The following DEPTOR variants were observed in gnomAD, a reference collection of about 807,000 sequenced individuals.
DEPTOR encodes the protein DEP domain containing MTOR interacting protein.
In DEPTOR, 41 loss-of-function variants were observed where a neutral mutation model predicts 41.6. The observed-to-expected ratio is 0.98, with a 90% CI of 0.77 to 1.28. DEPTOR has a LOEUF of 1.28. Ranked by LOEUF, DEPTOR falls within the 50% of genes most tolerant of loss-of-function variation. The pLI is 0.00. For missense variants in DEPTOR, 514 were observed against 527.9 expected (o/e 0.97, Z 0.26); for synonymous variants, 195 against 192.3 (o/e 1.01, Z -0.12).
At chr8:119,920,081 G>A (rs12548248) in intron 1 of DEPTOR, among the ~76,000 whole-genome samples, 31,355 of 151,170 alleles carry the variant, frequency 0.21, 3,404 homozygotes, top group Middle Eastern at 0.35. Flanking sequence ...TGTCTGAGAT[G>A]AATAATAGGA....
intron 4 of DEPTOR, among the ~76,000 whole-genome samples, chr8:119,970,978 C>T (rs1163920877): frequency 6.6e-6 from 1 of 152,134 alleles, no homozygotes; most frequent in Non-Finnish European, 1.5e-5. Flanking sequence ...CACCCGTAAT[C>T]CCAGCATTCT....
chr8:119,907,281 A>G (rs968663388), intron 1 of DEPTOR, among the ~76,000 whole-genome samples: 4 of 152,204 alleles, frequency 2.6e-5, no homozygotes, highest in African/African-American at 9.6e-5. Flanking sequence ...GAGGTTTTTA[A>G]GAAATATATG....
intron 8 of DEPTOR, among the ~76,000 whole-genome samples, chr8:120,038,064 C>T (rs1015414655): frequency 1.3e-5 from 2 of 151,384 alleles, no homozygotes; most frequent in Non-Finnish European, 2.9e-5. Flanking sequence ...GCCAGGAGTT[C>T]GAGACCAGCC....
At chr8:119,883,249 C>T (rs979427495) in intron 1 of DEPTOR, among the ~76,000 whole-genome samples, 4 of 151,650 alleles carry the variant, frequency 2.6e-5, no homozygotes, top group African/African-American at 7.3e-5. Flanking sequence ...CCGAGGCGGG[C>T]GGATCACGAG....
intron 3 of DEPTOR, among the ~76,000 whole-genome samples, chr8:119,954,074 G>A (rs766324288): frequency 6.6e-6 from 1 of 151,898 alleles, no homozygotes; most frequent in African/African-American, 2.4e-5. Flanking sequence ...CCAAAGTGCT[G>A]TGATTACAGG....
chr8:120,013,020 G>C (rs1030413448), intron 8 of DEPTOR, among the ~76,000 whole-genome samples: 1 of 151,924 alleles, frequency 6.6e-6, no homozygotes, highest in Non-Finnish European at 1.5e-5. Flanking sequence ...AGTCAAGCAT[G>C]CTGGTGGGTG....
At position 119,928,542 on chromosome 8, in the gene DEPTOR, A is replaced by G; in HGVS notation, c.265A>G (p.Met89Val). 2 of 1,614,188 alleles carry G rather than the reference A, an allele frequency of 1.2e-6. No homozygotes were observed. Among genetic ancestry groups the G allele is most frequent in the Non-Finnish European group, 1.7e-6 (2 of 1,180,008 alleles). The change falls in exon 2 of 9, where the codon ATG becomes GTG. Residue 89 changes from methionine to valine, a missense_variant. By Grantham distance (21) the Met-to-Val change is conservative (BLOSUM62 1). Coordinates refer to ENST00000286234, the MANE Select transcript of DEPTOR (RefSeq NM_022783.4). ...TGACAGAGAGACGGCAATTAAACTC[A>G]TGCAGAAATTAGCAGACCGGGGCAT... is the stretch of plus-strand genomic sequence containing the variant. ...ASDRETAIKL[M>V]QKLADRGIIH...
intron 1 of DEPTOR, chr8:119,891,175 T>G (rs1827447738): frequency 6.6e-6 from 1 of 151,984 alleles, no homozygotes; most frequent in Non-Finnish European, 1.5e-5. Context: ...CTGTCCCTGC[T>G]TAGCTTCCGA....
chr8:120,033,283 C>T (rs539894652), intron 8 of DEPTOR, among the ~76,000 whole-genome samples: 4 of 152,120 alleles, frequency 2.6e-5, no homozygotes, highest in East Asian at 3.9e-4. Context: ...GACAGGGTTT[C>T]GCCCTATTGG....
intron 8 of DEPTOR, among the ~76,000 whole-genome samples, chr8:120,044,560 G>A (rs1265472832): frequency 6.6e-6 from 1 of 152,192 alleles, no homozygotes; most frequent in East Asian, 1.9e-4. Flanking sequence ...GCCAAGCTTA[G>A]GGTCAGATGA....
intron 8 of DEPTOR, among the ~76,000 whole-genome samples, chr8:120,014,283 T>C (rs1812576037): frequency 6.6e-6 from 1 of 152,124 alleles, no homozygotes; most frequent in African/African-American, 2.4e-5. Flanking sequence ...CCTTGAAGAA[T>C]TTTATATCCA....
intron 4 of DEPTOR, among the ~76,000 whole-genome samples, chr8:119,986,441 T>G (rs956862140): frequency 1.3e-5 from 2 of 152,182 alleles, no homozygotes; most frequent in Non-Finnish European, 2.9e-5. Flanking sequence ...CCGACCTTTC[T>G]CTCTGGCTGC....
At chr8:120,040,512 G>T (rs1294865601) in intron 8 of DEPTOR, among the ~76,000 whole-genome samples, 1 of 152,136 alleles carries the variant, frequency 6.6e-6, no homozygotes, top group Non-Finnish European at 1.5e-5. Context: ...GGCAGATTTG[G>T]TAGGTCTTGG....
chr8:120,044,806 T>C (rs1045194075), intron 8 of DEPTOR, among the ~76,000 whole-genome samples: 1 of 152,146 alleles, frequency 6.6e-6, no homozygotes, highest in East Asian at 1.9e-4. Flanking sequence ...TATGACTGAA[T>C]TGATTGAGAG....
chr8:119,884,532 G>GA, intron 1 of DEPTOR, among the ~76,000 whole-genome samples: 1 of 150,460 alleles, frequency 6.6e-6, no homozygotes, highest in South Asian at 2.1e-4. Flanking sequence ...ATGAGAAAAG[G>GA]CAATTTGCAA....
At chr8:119,906,486 G>A (rs981226314) in intron 1 of DEPTOR, among the ~76,000 whole-genome samples, 3 of 152,140 alleles carry the variant, frequency 2.0e-5, no homozygotes, top group Non-Finnish European at 2.9e-5. Flanking sequence ...ATCCTTTTAA[G>A]AAAAAGTATA....
chr8:119,883,982 C>T (rs1827332211), intron 1 of DEPTOR, among the ~76,000 whole-genome samples: 2 of 152,198 alleles, frequency 1.3e-5, no homozygotes, highest in African/African-American at 2.4e-5. Flanking sequence ...CTACTCTGAC[C>T]TTGACTTAAG....
At chr8:119,917,627 T>C (rs565586334) in intron 1 of DEPTOR, among the ~76,000 whole-genome samples, 1 of 152,344 alleles carries the variant, frequency 6.6e-6, no homozygotes, top group East Asian at 1.9e-4. Flanking sequence ...AAGCCAGGTA[T>C]TGTCCAAGGT....
intron 3 of DEPTOR, among the ~76,000 whole-genome samples, chr8:119,959,422 A>G (rs1828461010): frequency 6.6e-6 from 1 of 151,692 alleles, no homozygotes; most frequent in South Asian, 2.1e-4. Flanking sequence ...CGGCCTCCCA[A>G]AGTGCTGGGA....
Sources: gnomAD v4.1 joint callset for allele counts (sites outside exome capture counted in the v4.1 genomes callset) on GRCh38, gnomAD v4.1.1 for gene constraint, MANE v1.5 for transcripts, NCBI Gene and HGNC (gene_info 2026-07-23, HGNC 2026-07-21) for gene names.